The following ADCY7 variants were observed in gnomAD, a reference collection of about 807,000 sequenced individuals.
ADCY7 encodes the protein adenylate cyclase 7.
Under a neutral mutation model 120.6 loss-of-function variants are expected in ADCY7, and 72 were observed. That is an observed-to-expected ratio of 0.60 (90% CI 0.49 to 0.73). ADCY7 has a LOEUF of 0.73. ADCY7 is among the 30% of genes least tolerant of loss of function. ADCY7 has a pLI of 0.00. For synonymous variants in ADCY7, 661 were observed against 628.0 expected (o/e 1.05, Z -0.78); for missense variants, 1,227 against 1,486.0 (o/e 0.83, Z 2.87).
At chr16:50,245,099 A>C (rs1384097295), upstream of ADCY7, among the ~76,000 whole-genome samples, 1 of 152,008 alleles carries the variant, frequency 6.6e-6, no homozygotes, top group African/African-American at 2.4e-5. Flanking sequence ...CCACACCAAG[A>C]TCTCTCCCCT....
chr16:50,278,304 G>A (rs1175434482), intron 1 of ADCY7, among the ~76,000 whole-genome samples: 3 of 152,170 alleles, frequency 2.0e-5, no homozygotes, highest in African/African-American at 4.8e-5. Context: ...GCCTACCTAA[G>A]TGCCAAGATT....
chr16:50,262,958 C>T (rs1314815350), upstream of ADCY7, among the ~76,000 whole-genome samples: 1 of 152,220 alleles, frequency 6.6e-6, no homozygotes, highest in Non-Finnish European at 1.5e-5. Flanking sequence ...TGAGGGTACT[C>T]ACCATGCTCA....
chr16:50,309,572 G>A lies in ADCY7; in HGVS notation c.2086G>A (p.Glu696Lys). 6.2e-7 allele frequency: 1 copy of A among 1,613,946 alleles called. No individual in the cohort carries two copies. The highest frequency in any genetic ancestry group is 8.5e-7 in the Non-Finnish European group (1 of 1,179,994). Residue 696 changes from glutamate (E) to lysine (K), a missense_variant, in exon 18 of 26, where the codon GAG becomes AAG. This residue lies in a region of ADCY7 where 267 missense variants were observed against 270.0 expected (regional missense o/e 0.99). Transcript: ENST00000673801. ...GCCCCTGATGCCTTTCCAAGTTCCA[G>A]AGCTGCCTGTTGGCAATGAGACAGG... ...NLPLMPFQVP[E>K]LPVGNETGLL...
In ADCY7 at chr16:50,315,357, A is replaced by G; in HGVS notation, c.3097-2A>G. 6.2e-7 allele frequency: 1 copy of G among 1,602,898 alleles called. No individual in the cohort carries two copies. Among genetic ancestry groups the G allele is most frequent in the East Asian group, 2.2e-5 (1 of 44,486 alleles). ...AGACAACAGGTCTCTCTTCCTTTTC[A>G]GGTTACCGAGGAGACCTGCACCATC... On this transcript the variant is annotated splice_acceptor_variant, in intron 25 of 25. Coordinates refer to ENST00000673801, the MANE Select transcript of ADCY7 (RefSeq NM_001114.5). LOFTEE classifies it high-confidence loss of function.
At chr16:50,250,405 C>T (rs1358573868) in intron 1 of ADCY7, among the ~76,000 whole-genome samples, 15 of 145,950 alleles carry the variant, frequency 1.0e-4, no homozygotes, top group Admixed American at 7.1e-4. Context: ...TGCAGTGAGC[C>T]GAGATCACGA....
At chr16:50,292,854 G>T in intron 5 of ADCY7, 29 bp downstream of exon 5, 1 of 1,607,854 alleles carries the variant, frequency 6.2e-7, no homozygotes. Flanking sequence ...TCCTCACCCT[G>T]TACACCCCTG....
chr16:50,303,504 G>A (rs1567569673), intron 10 of ADCY7, among the ~76,000 whole-genome samples: 1 of 152,170 alleles, frequency 6.6e-6, no homozygotes, highest in African/African-American at 2.4e-5. Flanking sequence ...GCCCGCTTAA[G>A]CTCATCTCTG....
At position 50,300,944 on chromosome 16, in the gene ADCY7, G is replaced by A. The variant is rs543867974; in HGVS notation, c.1235+71G>A. ...CTGTGGATGGAGGGTTCTGCGGTTG[G>A]GGGTGGGGGTCAGGTGTGGAGGGAG... On this transcript the variant is annotated intron_variant, in intron 9 of 25. Transcript: ENST00000673801. 19 of 1,539,596 alleles carry A rather than the reference G, an allele frequency of 1.2e-5. No homozygotes were observed. The African/African-American group carries it at 2.5e-4, about 20-fold the overall frequency.
In ADCY7 at chr16:50,315,703, C is replaced by A. The variant is rs60444957; in HGVS notation, c.*198C>A. 337 of 616,430 alleles carry A rather than the reference C, an allele frequency of 5.5e-4. 1 individual carries two copies. The African/African-American group carries it at 5.8e-3, about 11-fold the overall frequency. 38.2% of individuals were successfully genotyped at this position (616,430 alleles called of 1,614,324 possible). Reference sequence around the variant, plus strand: ...TCGAAGCAGCCACTGAGCCATAATGCGCAGGGGAGGCCAGAAGCTCTGTGC... The same window carrying A: ...TCGAAGCAGCCACTGAGCCATAATGAGCAGGGGAGGCCAGAAGCTCTGTGC... On this transcript the variant is annotated 3_prime_UTR_variant, in exon 26 of 26. Coordinates refer to ENST00000673801, the MANE Select transcript of ADCY7 (RefSeq NM_001114.5).
intron 1 of ADCY7, among the ~76,000 whole-genome samples, chr16:50,282,094 CT>C (rs2034308906): frequency 6.6e-6 from 1 of 152,218 alleles, no homozygotes; most frequent in African/African-American, 2.4e-5. Flanking sequence ...CCCACTTCCC[CT>C]TTTTGAGGCC....
chr16:50,288,010 T>G lies in ADCY7; in HGVS notation c.-170T>G. 1.4e-6 allele frequency: 1 copy of G among 702,290 alleles called. No homozygotes were observed. Among genetic ancestry groups the G allele is most frequent in the South Asian group, 2.1e-5 (1 of 48,030 alleles). The allele number at this position is 702,290 out of a possible 1,614,324, so 43.5% of individuals were successfully genotyped here. On this transcript the variant is annotated 5_prime_UTR_variant, in exon 2 of 26. Coordinates refer to ENST00000673801, the MANE Select transcript of ADCY7 (RefSeq NM_001114.5). ...CTGGTGCCAGAGCTGTGCGGACCCCTTGTTGGCCATGGAGCAGCAGGCCCA... is the reference window on the plus strand; with the variant it reads ...CTGGTGCCAGAGCTGTGCGGACCCCGTGTTGGCCATGGAGCAGCAGGCCCA...
At position 50,315,325 on chromosome 16, in the gene ADCY7, CCTCTGAAGACAACAGGT is replaced by C. The variant is rs769825318; in HGVS notation, c.3097-29_3097-13del. The C allele has an allele frequency of 6.3e-7, 1 of 1,595,946 alleles. No individual in the cohort carries two copies. Among genetic ancestry groups the C allele is most frequent in the Non-Finnish European group, 8.6e-7 (1 of 1,165,766 alleles). On this transcript the variant is annotated splice_polypyrimidine_tract_variant and intron_variant, in intron 25 of 25. Coordinates refer to ENST00000673801, the MANE Select transcript of ADCY7 (RefSeq NM_001114.5). Reference sequence around the variant, plus strand: ...CCTACCATGACAGGTGTTCTTCCCGCCTCTGAAGACAACAGGTCTCTCTTCCTTTTCAGGTTACCGAG... The same window carrying C: ...CCTACCATGACAGGTGTTCTTCCCGCCTCTCTTCCTTTTCAGGTTACCGAG...
At chr16:50,276,159 C>T (rs17215978) in intron 1 of ADCY7, among the ~76,000 whole-genome samples, 6,504 of 152,316 alleles carry the variant, frequency 0.043, 183 homozygotes, top group Non-Finnish European at 0.062. Flanking sequence ...TTGGGTGGGA[C>T]GGCTGCTCCC....
At chr16:50,301,283 C>A (rs1228680936) in intron 10 of ADCY7, 69 bp downstream of exon 10, 73 of 1,507,590 alleles carry the variant, frequency 4.8e-5, no homozygotes, top group Non-Finnish European at 6.4e-5. Flanking sequence ...AGAGCCTGGC[C>A]CGCACCTTGG....
exon 1 of ADCY7, chr16:50,246,175 G>A (rs1348978934): frequency 6.7e-6 from 1 of 149,316 alleles, no homozygotes; most frequent in African/African-American, 2.4e-5. Context: ...CGGCCACTCG[G>A]GCGGCGGTGG....
intron 10 of ADCY7, among the ~76,000 whole-genome samples, 165 bp from the exon 11 acceptor site, chr16:50,304,195 G>A (rs1305198247): frequency 1.3e-5 from 2 of 152,196 alleles, no homozygotes; most frequent in Non-Finnish European, 2.9e-5. Flanking sequence ...CCCAAGGGCA[G>A]CCGCTCTCCA....
chr16:50,291,732 A>G lies in ADCY7; in HGVS notation c.376-4A>G. 1 of 1,614,028 alleles carries G rather than the reference A, an allele frequency of 6.2e-7. No homozygotes were observed. Among genetic ancestry groups the G allele is most frequent in the Non-Finnish European group, 8.5e-7 (1 of 1,179,968 alleles). ...GCACCGGGCTCACCAGGCTGCATCC[A>G]CAGGTGCCCTTCTTCCTGTTCATTG... On this transcript the variant is annotated splice_region_variant and splice_polypyrimidine_tract_variant and intron_variant, in intron 3 of 25. Transcript: ENST00000673801.
At chr16:50,313,215 G>A (rs2036581335) in intron 22 of ADCY7, 179 bp downstream of exon 22, 5 of 716,704 alleles carry the variant, frequency 7.0e-6, no homozygotes, top group South Asian at 4.0e-5. Context: ...CTAGGAGTTC[G>A]AGACCAGCCT....
Position 50,305,567 on chromosome 16 carries a change from G to A in ADCY7, c.1660G>A (p.Glu554Lys). Residue 554 changes from glutamate to lysine, a missense_variant, in exon 13 of 26, where the codon GAG becomes AAG. Physicochemically the swap from Glu to Lys is moderately conservative, Grantham distance 56. Around this residue, in one of 5 missense-constraint regions of ADCY7, gnomAD observed 332 missense variants for 455.8 expected, o/e 0.73. Transcript: ENST00000673801. ...CGATGACGAGATGCTGTCAGCCATT[G>A]AGGGGCTCAGCTCCACGAGGTGAGG... ...SYDDEMLSAI[E>K]GLSSTRPCCS... 1 of 1,604,524 alleles carries A rather than the reference G, an allele frequency of 6.2e-7. No individual in the cohort carries two copies. The highest frequency in any genetic ancestry group is 1.1e-5 in the South Asian group (1 of 89,480).
Sources: gnomAD v4.1 joint callset for allele counts (sites outside exome capture counted in the v4.1 genomes callset) on GRCh38, gnomAD v4.1.1 for gene constraint, gnomAD v4.1.1 regional missense constraint, MANE v1.5 for transcripts, NCBI Gene and HGNC (gene_info 2026-07-23, HGNC 2026-07-21) for gene names.